The following NBPF11 variants were observed in gnomAD, a reference collection of about 807,000 sequenced individuals.
NBPF11 encodes NBPF member 11.
Under a neutral mutation model 93.9 loss-of-function variants are expected in NBPF11, and 72 were observed. That is an observed-to-expected ratio of 0.77 (90% CI 0.63 to 0.93). NBPF11 has a LOEUF of 0.93. NBPF11 is among the 40% of genes least tolerant of loss of function. The probability of loss-of-function intolerance (pLI) is 0.00; values close to 1 mark genes in which losing one functional copy is unlikely to be tolerated. For missense variants in NBPF11, 705 were observed against 802.2 expected (o/e 0.88, Z 1.46); for synonymous variants, 224 against 304.9 (o/e 0.73, Z 2.76).
chr1:148,141,714 C>A (rs1189931474), intron 2 of NBPF11, among the ~76,000 whole-genome samples: 2 of 151,750 alleles, frequency 1.3e-5, no homozygotes, highest in East Asian at 3.9e-4. Context: ...AGGACAGGTG[C>A]AAACCATCTA....
At chr1:148,104,302 G>C (rs1383331257) in intron 23 of NBPF11, among the ~76,000 whole-genome samples, 1 of 145,592 alleles carries the variant, frequency 6.9e-6, no homozygotes, top group Non-Finnish European at 1.5e-5. Flanking sequence ...ATTCGATGCA[G>C]TGGCCATGAG....
intron 1 of NBPF11, among the ~76,000 whole-genome samples, chr1:148,147,945 AG>A (rs1673460884): frequency 6.6e-6 from 1 of 151,980 alleles, no homozygotes; most frequent in African/African-American, 2.4e-5. Context: ...GCAGGAACCT[AG>A]GCCCAGAGCC....
chr1:148,126,868 G>A lies in NBPF11; in HGVS notation c.136C>T (p.Gln46Ter), dbSNP rs1489746684. The A allele has an allele frequency of 6.7e-7, 1 of 1,490,628 alleles. No individual in the cohort carries two copies. Among genetic ancestry groups the A allele is most frequent in the Non-Finnish European group, 9.2e-7 (1 of 1,082,134 alleles). The allele number at this position is 1,490,628 out of a possible 1,614,324, so 92.3% of individuals were successfully genotyped here. ...CGGTTGGCCAGGAAGCCGGCCAGTTGAGTTAGAAAACATCTCTCTTTGAGG... is the reference window on the plus strand; with the variant it reads ...CGGTTGGCCAGGAAGCCGGCCAGTTAAGTTAGAAAACATCTCTCTTTGAGG... Reference protein sequence around the residue: ...RNLKERCFLTQLAGFLANRQK... With the variant: ...RNLKERCFLT The change falls in exon 5 of 24, where the codon CAA (glutamine) becomes TAA (stop). Residue 46 changes from glutamine (Q) to a stop codon, truncating the protein, a stop_gained. Transcript: ENST00000682118. LOFTEE classifies it high-confidence loss of function.
At position 148,122,256 on chromosome 1, in the gene NBPF11, T is replaced by A; in HGVS notation, c.577A>T (p.Lys193Ter). ...LESSAPREVQ[K>*]AEESKVPEDS... ...TCAGGGACTTTGCTCTCTTCAGCCT[T>A]CTGCACCTCCCTGATGAGCCAGGTG... The change falls in exon 9 of 24, where the codon AAG becomes TAG. Residue 193 changes from lysine (K) to a stop codon, truncating the protein, a stop_gained. Transcript: ENST00000682118. LOFTEE classifies it high-confidence loss of function. The A allele has an allele frequency of 6.2e-7, 1 of 1,611,074 alleles. No individual in the cohort carries two copies. The highest frequency in any genetic ancestry group is 8.5e-7 in the Non-Finnish European group (1 of 1,179,084).
intron 1 of NBPF11, among the ~76,000 whole-genome samples, chr1:148,143,917 G>A (rs1352121807): frequency 7.5e-5 from 11 of 146,612 alleles, no homozygotes; most frequent in South Asian, 6.6e-4. Flanking sequence ...GAAATTAGCC[G>A]AGCATGGTGG....
In NBPF11 at chr1:148,108,566, C is replaced by G. The variant is rs1553267836; in HGVS notation, c.1942G>C (p.Gly648Arg). 1 of 1,601,848 alleles carries G rather than the reference C, an allele frequency of 6.2e-7. No individual in the cohort carries two copies. Among genetic ancestry groups the G allele is most frequent in the African/African-American group, 1.4e-5 (1 of 73,876 alleles). Residue 648 changes from glycine (G) to arginine (R), a missense_variant, in exon 18 of 24, where the codon GGA (glycine) becomes CGA (arginine). By Grantham distance (125) the Gly-to-Arg change is moderately radical (BLOSUM62 -2). Around this residue, in one of 12 missense-constraint regions of NBPF11, gnomAD observed 97 missense variants for 65.0 expected, o/e 1.49. Coordinates refer to ENST00000682118, the MANE Select transcript of NBPF11 (RefSeq NM_001385469.3). ...RCYSTPSVYL[G>R]LTDSCQPYRS... ...TAGGGCTGGCATGAGTCAGTCAGTC[C>G]AAGATAAACTGAAGGAGTTGAATAA...
intron 6 of NBPF11, among the ~76,000 whole-genome samples, 184 bp downstream of exon 6, chr1:148,124,715 C>A (rs1280234765): frequency 1.3e-5 from 2 of 152,214 alleles, no homozygotes; most frequent in African/African-American, 2.4e-5. Context: ...CTCTAAGAAA[C>A]AACTGCAACA....
At chr1:148,148,876 G>GC (rs1647444559) in intron 1 of NBPF11, among the ~76,000 whole-genome samples, 2 of 151,540 alleles carry the variant, frequency 1.3e-5, no homozygotes, top group African/African-American at 2.4e-5. Flanking sequence ...CCTTACCCCC[G>GC]CCCCAGGGGC....
chr1:148,111,933 C>A (rs1417313074), intron 15 of NBPF11, among the ~76,000 whole-genome samples: 2 of 150,370 alleles, frequency 1.3e-5, no homozygotes, highest in African/African-American at 5.0e-5. Context: ...GAAGAGCAAC[C>A]CCAGGACACA....
chr1:148,107,482 T>C (rs1217876402), intron 19 of NBPF11, among the ~76,000 whole-genome samples: 2 of 151,954 alleles, frequency 1.3e-5, no homozygotes, highest in Admixed American at 1.3e-4. Flanking sequence ...TTCCATGCAG[T>C]TGCCATACGG....
chr1:148,105,340 C>A lies in NBPF11; in HGVS notation c.2472+20G>T. 1.3e-6 allele frequency: 1 copy of A among 757,940 alleles called. No homozygotes were observed. Among genetic ancestry groups the A allele is most frequent in the Non-Finnish European group, 2.4e-6 (1 of 414,694 alleles). The allele number at this position is 757,940 out of a possible 1,614,324, so 47.0% of individuals were successfully genotyped here. On this transcript the variant is annotated intron_variant, in intron 22 of 23. Transcript: ENST00000682118. ...GGAAGACTCAGTGGATCCTTATCAC[C>A]TTCATAGAAAGGTACTCACCTCCCA...
intron 11 of NBPF11, among the ~76,000 whole-genome samples, chr1:148,118,225 A>G (rs1414359765): frequency 1.3e-5 from 2 of 151,234 alleles, no homozygotes; most frequent in African/African-American, 2.4e-5. Flanking sequence ...CAGGGTCGAG[A>G]AGGCAACATT....
rs1226501395 is a variant in NBPF11, at chr1:148,146,139, G to C, written c.-548-2453C>G. On this transcript the variant is annotated intron_variant, in intron 1 of 23. Transcript: ENST00000682118. ...GCCATGGAGCGCGGCCCTGGGGCCC[G>C]GGGGCGCGGGCCGGGGTGGGCTTCC... 2.6e-5 allele frequency among the ~76,000 whole-genome samples: 4 copies of C among 151,690 alleles called. No individual in the cohort carries two copies. The East Asian group carries it at 7.7e-4, about 29-fold the overall frequency.
intron 2 of NBPF11, among the ~76,000 whole-genome samples, chr1:148,140,593 G>C (rs1672014627): frequency 6.7e-6 from 1 of 148,804 alleles, no homozygotes; most frequent in Admixed American, 6.7e-5. Context: ...AAAAAAAAAA[G>C]GTGAAAGATC....
chr1:148,146,222 C>T (rs1299484029), intron 1 of NBPF11, among the ~76,000 whole-genome samples: 4 of 151,490 alleles, frequency 2.6e-5, no homozygotes, highest in Admixed American at 6.6e-5. Flanking sequence ...GCTTGGACCG[C>T]GATGGGGCTG....
rs1356925305 is a variant in NBPF11, at chr1:148,122,094, A to T, written c.739T>A (p.Ser247Thr). 2 of 1,612,734 alleles carry T rather than the reference A, an allele frequency of 1.2e-6. No homozygotes were observed. The highest frequency in any genetic ancestry group is 1.7e-6 in the Non-Finnish European group (2 of 1,178,990). Reference protein sequence around the residue: ...NSSLVVDRESSHDGCQDALNI... With the variant: ...NSSLVVDRESTHDGCQDALNI... ...AGAGCATCCTGACATCCATCATGAG[A>T]GGATTCTCTGTCTACAACCAGAGAT... Residue 247 changes from serine to threonine, a missense_variant, in exon 9 of 24, where the codon TCT (serine) becomes ACT (threonine). Ser to Thr is a moderately conservative substitution (Grantham distance 58). Transcript: ENST00000682118.
intron 13 of NBPF11, among the ~76,000 whole-genome samples, chr1:148,116,227 TAGGAGCTG>T (rs1394044485): frequency 1.3e-5 from 2 of 152,000 alleles, no homozygotes; most frequent in Non-Finnish European, 2.9e-5. Context: ...ACTGGACAGA[TAGGAGCTG>T]AGGAGGATGA....
intron 6 of NBPF11, 134 bp downstream of exon 6, chr1:148,124,765 T>C: frequency 1.3e-6 from 1 of 761,686 alleles, no homozygotes. Flanking sequence ...TAAATATTTG[T>C]GTGTCATGAG....
At chr1:148,132,214 TACACAC>T (rs781886385) in intron 4 of NBPF11, among the ~76,000 whole-genome samples, 6 of 76,012 alleles carry the variant, frequency 7.9e-5, no homozygotes, top group East Asian at 1.3e-3. Context: ...TATATATATA[TACACAC>T]ACACACACAC....
Sources: gnomAD v4.1 joint callset for allele counts (sites outside exome capture counted in the v4.1 genomes callset) on GRCh38, gnomAD v4.1.1 for gene constraint, gnomAD v4.1.1 regional missense constraint, MANE v1.5 for transcripts, NCBI Gene and HGNC (gene_info 2026-07-23, HGNC 2026-07-21) for gene names.